The following FYB1 variants were observed in gnomAD, a reference collection of about 807,000 sequenced individuals.
FYB1 encodes the protein FYN-binding protein 1.
A neutral mutation model predicts 94.1 loss-of-function variants in FYB1; 41 were observed. The ratio of observed to expected loss-of-function variants is 0.44; its 90% CI spans 0.34 to 0.57. The LOEUF (loss-of-function observed/expected upper bound fraction) is 0.57, where lower values mean the gene tolerates loss of function less well. Among genes scored for constraint, FYB1 ranks in the 20% least tolerant of loss-of-function variants. The probability of loss-of-function intolerance (pLI) is 0.02; values close to 1 mark genes in which losing one functional copy is unlikely to be tolerated. For missense variants in FYB1, 1,050 were observed against 976.8 expected (o/e 1.07, Z -1.00); for synonymous variants, 367 against 353.2 (o/e 1.04, Z -0.44).
intron 1 of FYB1, among the ~76,000 whole-genome samples, chr5:39,204,038 T>C (rs1248266709): frequency 2.6e-5 from 4 of 152,306 alleles, no homozygotes; most frequent in African/African-American, 9.6e-5. Context: ...TCCCTTTTCA[T>C]GCTTTAAAGT....
At chr5:39,188,540 C>CTTT (rs35086739) in intron 2 of FYB1, among the ~76,000 whole-genome samples, 160 of 69,610 alleles carry the variant, frequency 2.3e-3, no homozygotes, top group Non-Finnish European at 3.4e-3. Context: ...AACTACAGCA[C>CTTT]TTTTTTTTTT....
At chr5:39,162,722 T>G (rs1744369749) in intron 2 of FYB1, among the ~76,000 whole-genome samples, 1 of 150,784 alleles carries the variant, frequency 6.6e-6, no homozygotes, top group African/African-American at 2.4e-5. Context: ...TTAGTGATTT[T>G]TTTTTTTTTA....
chr5:39,232,913 C>A (rs1386093884), intron 1 of FYB1, among the ~76,000 whole-genome samples: 5 of 152,036 alleles, frequency 3.3e-5, no homozygotes, highest in Non-Finnish European at 7.3e-5. Context: ...TTTTTTATGG[C>A]TGCATAGTAT....
chr5:39,135,571 G>T (rs1355147209), intron 7 of FYB1, among the ~76,000 whole-genome samples: 1 of 152,128 alleles, frequency 6.6e-6, no homozygotes, highest in Non-Finnish European at 1.5e-5. Flanking sequence ...TAATGATGTT[G>T]GTTAGACTAT....
At chr5:39,148,617 G>A (rs1742985287) in intron 3 of FYB1, among the ~76,000 whole-genome samples, 1 of 151,460 alleles carries the variant, frequency 6.6e-6, no homozygotes, top group Non-Finnish European at 1.5e-5. Context: ...TACTGATACG[G>A]CAAGTCTCAA....
intron 1 of FYB1, among the ~76,000 whole-genome samples, chr5:39,235,758 C>G (rs1032172867): frequency 6.6e-6 from 1 of 152,020 alleles, no homozygotes; most frequent in Non-Finnish European, 1.5e-5. Flanking sequence ...TGTATGGGAA[C>G]TTGCAGCTAA....
At chr5:39,125,085 A>G (rs530155025) in intron 12 of FYB1, among the ~76,000 whole-genome samples, 2 of 152,110 alleles carry the variant, frequency 1.3e-5, no homozygotes, top group Non-Finnish European at 2.9e-5. Flanking sequence ...GAAGCAGAAA[A>G]AAAAAACCCT....
At chr5:39,203,341 G>A (rs1180165419) in intron 1 of FYB1, among the ~76,000 whole-genome samples, 2 of 152,074 alleles carry the variant, frequency 1.3e-5, no homozygotes, top group African/African-American at 4.8e-5. Flanking sequence ...AAATATGGAA[G>A]TGACTAAAAA....
rs190456305 is a variant in FYB1 at position 39,214,739 on chromosome 5, C to T, written c.-28+4704G>A. Reference sequence around the variant, plus strand: ...GGTCAGGAGTTTGGGACCAGCCTGGCCAACATGGTGAAAACCCATCTCTAC... The same window carrying T: ...GGTCAGGAGTTTGGGACCAGCCTGGTCAACATGGTGAAAACCCATCTCTAC... On this transcript the variant is annotated intron_variant, in intron 1 of 18. Coordinates refer to ENST00000512982, the MANE Select transcript of FYB1 (RefSeq NM_001465.6). 2.2e-3 allele frequency among the ~76,000 whole-genome samples: 334 copies of T among 152,232 alleles called. 3 individuals are homozygous for T. The highest frequency in any genetic ancestry group is 0.018 in the South Asian group (85 of 4,820).
At chr5:39,157,136 T>C (rs2150366552) in intron 2 of FYB1, among the ~76,000 whole-genome samples, 1 of 152,304 alleles carries the variant, frequency 6.6e-6, no homozygotes, top group East Asian at 1.9e-4. Flanking sequence ...TAGTAAGCCG[T>C]AGCGGTGGGT....
chr5:39,245,787 C>T (rs1254938335), intron 1 of FYB1, among the ~76,000 whole-genome samples: 6 of 151,954 alleles, frequency 3.9e-5, no homozygotes, highest in Admixed American at 1.3e-4. Context: ...TTAGTAGAGA[C>T]GCGGGTTTCG....
rs993352123 is a variant in FYB1, at chr5:39,136,719, T to A, written c.1515+881A>T. Among the ~76,000 whole-genome samples the A allele has an allele frequency of 3.5e-4, 53 of 152,300 alleles. 1 individual carries two copies. Among genetic ancestry groups the A allele is most frequent in the Admixed American group, 3.3e-3 (50 of 15,296 alleles). On this transcript the variant is annotated intron_variant, in intron 7 of 18. Transcript: ENST00000512982. Reference sequence around the variant, plus strand: ...TGTCTGGCTGACTTGATGCTATACATTTTCCTTGCACCATGCATTGAACCT... The same window carrying A: ...TGTCTGGCTGACTTGATGCTATACAATTTCCTTGCACCATGCATTGAACCT...
At chr5:39,244,912 T>G (rs1224591716) in intron 1 of FYB1, among the ~76,000 whole-genome samples, 1 of 152,236 alleles carries the variant, frequency 6.6e-6, no homozygotes, top group Non-Finnish European at 1.5e-5. Context: ...TTCTAGGTTT[T>G]CTAGTTTATT....
At chr5:39,270,585 A>C (rs1363451261) in intron 1 of FYB1, 1 of 1,535,090 alleles carries the variant, frequency 6.5e-7, no homozygotes, top group Non-Finnish European at 8.7e-7. Context: ...TATTGAAAAG[A>C]GTTGATATGC....
intron 1 of FYB1, among the ~76,000 whole-genome samples, chr5:39,268,307 C>T (rs1453708418): frequency 5.3e-5 from 8 of 151,292 alleles, no homozygotes; most frequent in South Asian, 2.1e-4. Context: ...TCATCACTGC[C>T]GCCTTGAACT....
At chr5:39,217,994 C>T (rs1247585134) in intron 1 of FYB1, among the ~76,000 whole-genome samples, 2 of 152,168 alleles carry the variant, frequency 1.3e-5, no homozygotes, top group South Asian at 4.1e-4. Context: ...ATGAAGCAGC[C>T]GTAACTTGGC....
At chr5:39,201,020 G>A (rs1292388515) in intron 2 of FYB1, among the ~76,000 whole-genome samples, 1 of 152,202 alleles carries the variant, frequency 6.6e-6, no homozygotes, top group Non-Finnish European at 1.5e-5. Flanking sequence ...CCCGAAAGGA[G>A]AGTAAAGTAC....
chr5:39,142,263 C>T (rs375848059), intron 3 of FYB1, among the ~76,000 whole-genome samples: 1 of 152,058 alleles, frequency 6.6e-6, no homozygotes, highest in Non-Finnish European at 1.5e-5. Flanking sequence ...AAATGTTTAC[C>T]ACTTTCTTCA....
Position 39,105,389 on chromosome 5 carries a change from G to A in FYB1, c.*2054C>T, listed in dbSNP as rs900957960. The stretch of plus-strand genomic sequence containing the variant: ...TTTCACATTAAGATGATTATCTATT[G>A]TGTAAATCTTTCCTAGGTATGTGTG... On this transcript the variant is annotated 3_prime_UTR_variant, in exon 19 of 19. Coordinates refer to ENST00000512982, the MANE Select transcript of FYB1 (RefSeq NM_001465.6). 5.3e-5 allele frequency: 8 copies of A among 152,064 alleles called. No homozygotes were observed. The highest frequency in any genetic ancestry group is 4.6e-4 in the Admixed American group (7 of 15,280). The allele number at this position is 152,064 out of a possible 1,614,324, so 9.4% of individuals were successfully genotyped here. A position where few individuals can be genotyped will look rare whatever the true frequency, so the allele number is the denominator to read the frequency against.
Sources: allele counts gnomAD v4.1 joint callset (sites outside exome capture counted in the v4.1 genomes callset), GRCh38; gene constraint gnomAD v4.1.1; transcripts MANE v1.5; gene names NCBI Gene and HGNC (gene_info 2026-07-23, HGNC 2026-07-21).